The following FGF6 variants were observed in gnomAD, a reference collection of about 807,000 sequenced individuals.
The protein encoded by FGF6 is FGF-6.
A neutral mutation model predicts 18.4 loss-of-function variants in FGF6; 14 were observed. That is an observed-to-expected ratio of 0.76 (90% CI 0.50 to 1.19). The LOEUF is 1.19. Ranked by LOEUF, FGF6 falls within the 50% of genes most tolerant of loss-of-function variation. FGF6 has a pLI of 0.00. For missense variants in FGF6, 266 were observed against 271.6 expected (o/e 0.98, Z 0.15); for synonymous variants, 125 against 116.7 (o/e 1.07, Z -0.46).
Position 4,439,968 on chromosome 12 carries a change from A to G in FGF6, c.450+4165T>C, listed in dbSNP as rs17183675. ...CTGATGGGATTTTCCCGATGCCCAG[A>G]GTGATGCTCAAGACCCAGCCCCTTA... On this transcript the variant is annotated intron_variant, in intron 2 of 2. Coordinates refer to ENST00000228837, the MANE Select transcript of FGF6 (RefSeq NM_020996.3). Among the ~76,000 whole-genome samples the G allele has an allele frequency of 4.7e-3, 711 of 152,298 alleles. 6 individuals carry two copies. The highest frequency in any genetic ancestry group is 0.016 in the African/African-American group (681 of 41,566).
intron 2 of FGF6, 82 bp from the exon 3 acceptor site, chr12:4,434,473 G>T (rs1371787586): frequency 1.5e-6 from 2 of 1,346,450 alleles, no homozygotes; most frequent in Non-Finnish European, 2.1e-6. Flanking sequence ...CAGAGAGTAG[G>T]CCCCTCTGCC....
intron 2 of FGF6, among the ~76,000 whole-genome samples, chr12:4,439,205 C>T (rs1464440513): frequency 6.6e-6 from 1 of 152,092 alleles, no homozygotes; most frequent in South Asian, 2.1e-4. Flanking sequence ...GGCCAGGAAA[C>T]GAAGCGAGAA....
intron 2 of FGF6, among the ~76,000 whole-genome samples, chr12:4,442,441 T>C (rs1224383718): frequency 6.6e-6 from 1 of 152,180 alleles, no homozygotes; most frequent in Non-Finnish European, 1.5e-5. Flanking sequence ...CTCCCCACAA[T>C]TAAATTCCTT....
rs945936060 is a variant in FGF6, at chr12:4,445,611, T to C, written c.-41A>G. 2 of 1,456,290 alleles carry C rather than the reference T, an allele frequency of 1.4e-6. No homozygotes were observed. Among genetic ancestry groups the C allele is most frequent in the African/African-American group, 2.8e-5 (2 of 71,308 alleles). 90.2% of individuals were successfully genotyped at this position (1,456,290 alleles called of 1,614,324 possible). On this transcript the variant is annotated 5_prime_UTR_variant, in exon 1 of 3. The change abolishes the stop of an existing upstream ORF in the 5' untranslated region. Coordinates refer to ENST00000228837, the MANE Select transcript of FGF6 (RefSeq NM_020996.3). This position sits in a 1 kb window ranked among gnomAD's most constrained non-coding sequence, Gnocchi z 5.5. ...GGCACGTGGTCAGAATTAATGGCCC[T>C]AAAAATACCGCCCTTCTTGTTTTTC...
rs17177249 is a variant in FGF6, at chr12:4,442,332, G to A, written c.450+1801C>T. ...TGGCGCTTTCTCTGATGGTTAAATC[G>A]TATATTCCCTTCCCGAGCCTTTCCC... On this transcript the variant is annotated intron_variant, in intron 2 of 2. Transcript: ENST00000228837. Among the ~76,000 whole-genome samples, 731 of 152,152 alleles carry A rather than the reference G, an allele frequency of 4.8e-3. 6 individuals are homozygous for A. Among genetic ancestry groups the A allele is most frequent in the African/African-American group, 0.016 (683 of 41,502 alleles).
rs1348395114 is a variant in FGF6, at chr12:4,434,502, T to C, written c.451-111A>G. 3.1e-6 allele frequency: 3 copies of C among 971,012 alleles called. No individual in the cohort carries two copies. The East Asian group carries it at 7.2e-5, about 23-fold the overall frequency. 60.1% of individuals were successfully genotyped at this position (971,012 alleles called of 1,614,324 possible). On this transcript the variant is annotated intron_variant, in intron 2 of 2. Coordinates refer to ENST00000228837, the MANE Select transcript of FGF6 (RefSeq NM_020996.3). ...CTCTGCCAGGTGCCCTTCCCTTCTC[T>C]TTGTGAGACAACCACCGTGAGGTCT...
chr12:4,444,690 C>T (rs1295620450), intron 1 of FGF6, among the ~76,000 whole-genome samples: 1 of 152,130 alleles, frequency 6.6e-6, no homozygotes, highest in African/African-American at 2.4e-5. Context: ...TCCTGCAGCC[C>T]CCATCCTTTC....
intron 1 of FGF6, 149 bp from the exon 2 acceptor site, chr12:4,444,385 C>A: frequency 3.3e-6 from 2 of 606,110 alleles, no homozygotes; most frequent in East Asian, 2.8e-5. Context: ...CTCTAGGAGA[C>A]CCTGGCTGCT....
At chr12:4,434,508 A>C in intron 2 of FGF6, 117 bp from the exon 3 acceptor site, 1 of 919,938 alleles carries the variant, frequency 1.1e-6, no homozygotes, top group Non-Finnish European at 1.7e-6. Flanking sequence ...TCTCTTTGTG[A>C]GACAACCACC....
At chr12:4,436,799 C>T (rs1865634270) in intron 2 of FGF6, among the ~76,000 whole-genome samples, 1 of 152,192 alleles carries the variant, frequency 6.6e-6, no homozygotes, top group East Asian at 1.9e-4. Flanking sequence ...ATTTACAAAG[C>T]ACTTTCACTG....
intron 2 of FGF6, among the ~76,000 whole-genome samples, chr12:4,437,088 G>C (rs1266821922): frequency 2.0e-5 from 3 of 151,376 alleles, no homozygotes; most frequent in Non-Finnish European, 4.4e-5. Context: ...AACCTCTAAA[G>C]CTTCAATTCC....
intron 2 of FGF6, among the ~76,000 whole-genome samples, chr12:4,437,837 T>C (rs1339027384): frequency 6.6e-6 from 1 of 151,018 alleles, no homozygotes; most frequent in South Asian, 2.1e-4. Context: ...AAGATTCAAA[T>C]GTAAAAAAAA....
rs531494499 is a variant in FGF6, at chr12:4,434,964, G to A, written c.451-573C>T. 1.5e-4 allele frequency among the ~76,000 whole-genome samples: 23 copies of A among 152,126 alleles called. No homozygotes were observed. In the South Asian group the frequency reaches 1.7e-3, roughly 11 times the overall value. ...GAAGGAGAGAGGCGGTTGGTGGAGG[G>A]GGAGGAGACACAAGTGATCTCTTAA... On this transcript the variant is annotated intron_variant, in intron 2 of 2. Coordinates refer to ENST00000228837, the MANE Select transcript of FGF6 (RefSeq NM_020996.3).
chr12:4,439,282 T>TA (rs1421912776), intron 2 of FGF6, among the ~76,000 whole-genome samples: 1 of 152,010 alleles, frequency 6.6e-6, no homozygotes, highest in Non-Finnish European at 1.5e-5. Flanking sequence ...CCCACCAGCC[T>TA]CCCCCCTGTT....
intron 2 of FGF6, among the ~76,000 whole-genome samples, chr12:4,442,029 G>A (rs1865698155): frequency 6.6e-6 from 1 of 151,712 alleles, no homozygotes; most frequent in Non-Finnish European, 1.5e-5. Context: ...TCCCTCCCTG[G>A]AGAAGATGCT....
At chr12:4,435,992 G>A (rs185346923) in intron 2 of FGF6, among the ~76,000 whole-genome samples, 112 of 152,152 alleles carry the variant, frequency 7.4e-4, no homozygotes, top group Non-Finnish European at 1.4e-3. Flanking sequence ...GAAATGGATG[G>A]AGGATAACTT....
chr12:4,442,854 A>G (rs896209369), intron 2 of FGF6, among the ~76,000 whole-genome samples: 10 of 152,214 alleles, frequency 6.6e-5, no homozygotes, highest in Non-Finnish European at 1.0e-4. Flanking sequence ...TGCCCTCCAG[A>G]GGCCATGTAG....
chr12:4,441,038 C>A lies in FGF6; in HGVS notation c.450+3095G>T, dbSNP rs17177270. ...ACTGTTGACGAAAAGCATGTAAATG[C>A]GGCTCTTCTTAGTAAAACTGAAATC... is the stretch of plus-strand genomic sequence containing the variant. On this transcript the variant is annotated intron_variant, in intron 2 of 2. Coordinates refer to ENST00000228837, the MANE Select transcript of FGF6 (RefSeq NM_020996.3). Among the ~76,000 whole-genome samples, 7 of 152,356 alleles carry A rather than the reference C, an allele frequency of 4.6e-5. No individual in the cohort carries two copies. In the South Asian group the frequency reaches 1.5e-3, roughly 32 times the overall value.
rs553983433 is a variant in FGF6 at position 4,442,795 on chromosome 12, C to T, written c.450+1338G>A. ...TATGTCTCTTCTGTCTCATCTCACT[C>T]GCCCTCCAGCTTTCAGGTTCAGTGT... On this transcript the variant is annotated intron_variant, in intron 2 of 2. Coordinates refer to ENST00000228837, the MANE Select transcript of FGF6 (RefSeq NM_020996.3). Among the ~76,000 whole-genome samples the T allele has an allele frequency of 6.8e-4, 104 of 152,328 alleles. No individual in the cohort carries two copies. In the South Asian group the frequency reaches 0.012, roughly 17 times the overall value.
Sources: gnomAD v4.1 joint callset for allele counts (sites outside exome capture counted in the v4.1 genomes callset) on GRCh38, gnomAD v4.1.1 for gene constraint, Gnocchi (gnomAD v3.1) non-coding constraint, MANE v1.5 for transcripts, NCBI Gene and HGNC (gene_info 2026-07-23, HGNC 2026-07-21) for gene names.